The following NPL variants were observed in gnomAD, a reference collection of about 807,000 sequenced individuals.
NPL encodes N-acetylneuraminate pyruvate lyase.
A neutral mutation model predicts 41.1 loss-of-function variants in NPL; 32 were observed. The ratio of observed to expected loss-of-function variants is 0.78; its 90% CI spans 0.59 to 1.05. The LOEUF (loss-of-function observed/expected upper bound fraction) is 1.05. NPL is among the 50% of genes least tolerant of loss of function. The pLI is 0.00. For synonymous variants in NPL, 128 were observed against 134.9 expected, an observed-to-expected ratio of 0.95 and a Z score of 0.35; for missense variants, 321 against 378.4, an observed-to-expected ratio of 0.85 and a Z score of 1.26.
chr1:182,825,162 C>T (rs1477838722), intron 11 of NPL, among the ~76,000 whole-genome samples: 1 of 152,204 alleles, frequency 6.6e-6, no homozygotes, highest in Admixed American at 6.5e-5. Flanking sequence ...AGAAGAATCA[C>T]TGTCCCTCTC....
chr1:182,819,571 A>T (rs926029745), intron 10 of NPL, among the ~76,000 whole-genome samples: 14 of 152,102 alleles, frequency 9.2e-5, no homozygotes, highest in African/African-American at 3.4e-4. Context: ...AGATCAAGCC[A>T]CTGTACTCCA....
At position 182,815,619 on chromosome 1, in the gene NPL, TTA is replaced by T. The variant is rs1208342727; in HGVS notation, c.364+762_364+763del. On this transcript the variant is annotated intron_variant, in intron 7 of 12. Coordinates refer to ENST00000367553, the MANE Select transcript of NPL (RefSeq NM_030769.3). ...TTTTAAAAATTTTTTAAATTATTTT[TTA>T]GAGATGAGGTCTTGCTCTGTTGCCC... is the stretch of plus-strand genomic sequence containing the variant. 3.9e-5 allele frequency among the ~76,000 whole-genome samples: 6 copies of T among 152,298 alleles called. 1 individual carries two copies. In the East Asian group the frequency reaches 1.2e-3, roughly 29 times the overall value.
intron 8 of NPL, among the ~76,000 whole-genome samples, chr1:182,817,350 G>C (rs1284974206): frequency 1.3e-5 from 2 of 152,140 alleles, no homozygotes; most frequent in African/African-American, 4.8e-5. Flanking sequence ...TAAACATTCT[G>C]AGGAAAAAAA....
At chr1:182,790,666 G>A (rs139458185) in intron 1 of NPL, among the ~76,000 whole-genome samples, 4,083 of 148,730 alleles carry the variant, frequency 0.027, 191 homozygotes, top group African/African-American at 0.095. Context: ...TTTTTGAGAC[G>A]GAGTCTCGCT....
In NPL at chr1:182,828,764, C is replaced by G. The variant is rs1251843973; in HGVS notation, c.819C>G (p.Val273=). The G allele has an allele frequency of 3.1e-6, 5 of 1,614,160 alleles. No individual in the cohort carries two copies. In the South Asian group the frequency reaches 4.4e-5, roughly 14 times the overall value. The change falls in exon 13 of 13, where the codon GTC becomes GTG. Residue 273 remains valine, a synonymous_variant. Transcript: ENST00000367553. This position sits in a 1 kb window ranked among gnomAD's most constrained non-coding sequence, Gnocchi z 4.0. ...AGACCAAAGCCATCATGACTCTGGT[C>G]TCTGGGATTCCAATGGGCCCACCCC... ...VSQTKAIMTL[V]SGIPMGPPRL... is the part of the protein sequence containing the mutation.
At chr1:182,798,766 T>C (rs763239828) in intron 3 of NPL, among the ~76,000 whole-genome samples, 2 of 152,228 alleles carry the variant, frequency 1.3e-5, no homozygotes, top group Non-Finnish European at 2.9e-5. Context: ...GATTATTGTC[T>C]TTTTAACAGT....
chr1:182,812,853 A>C lies in NPL; in HGVS notation c.288+640A>C, dbSNP rs191182222. 3.1e-3 allele frequency among the ~76,000 whole-genome samples: 465 copies of C among 152,146 alleles called. 3 individuals are homozygous for C. Among genetic ancestry groups the C allele is most frequent in the African/African-American group, 0.01 (433 of 41,516 alleles). ...GGGTTAAAGTTCCTGGCAGAAAAGC[A>C]GGTGGTGTGGTGATTCTGAGGCCTG... On this transcript the variant is annotated intron_variant, in intron 6 of 12. Coordinates refer to ENST00000367553, the MANE Select transcript of NPL (RefSeq NM_030769.3).
intron 2 of NPL, among the ~76,000 whole-genome samples, chr1:182,793,539 G>C (rs544903908): frequency 6.6e-6 from 1 of 152,308 alleles, no homozygotes; most frequent in East Asian, 1.9e-4. Flanking sequence ...AGAGAGCAAA[G>C]GCAAATGAAA....
chr1:182,800,435 CAA>C (rs1053733197), intron 3 of NPL, among the ~76,000 whole-genome samples: 2,368 of 51,450 alleles, frequency 0.046, 37 homozygotes, highest in African/African-American at 0.1. Context: ...GACCCTGTCT[CAA>C]AAAAAAAAAA....
chr1:182,811,374 C>T (rs1400997069), intron 5 of NPL, among the ~76,000 whole-genome samples: 1 of 151,974 alleles, frequency 6.6e-6, no homozygotes, highest in African/African-American at 2.4e-5. Context: ...ACTACAGGCA[C>T]ACACCACCAC....
intron 11 of NPL, among the ~76,000 whole-genome samples, chr1:182,824,811 A>C (rs1286553306): frequency 1.3e-5 from 2 of 152,154 alleles, no homozygotes; most frequent in South Asian, 2.1e-4. Context: ...ACATAATAAT[A>C]AAATAAAAAT....
intron 10 of NPL, 65 bp downstream of exon 10, chr1:182,818,924 A>G: frequency 1.5e-6 from 2 of 1,343,592 alleles, no homozygotes; most frequent in East Asian, 4.6e-5. Flanking sequence ...TCACCAAAGT[A>G]GCTGTATTTC....
intron 4 of NPL, 72 bp from the exon 5 acceptor site, chr1:182,806,073 G>A: frequency 6.3e-7 from 1 of 1,583,322 alleles, no homozygotes; most frequent in Non-Finnish European, 8.7e-7. Context: ...TTCTGACCCT[G>A]CACTTTCAGA....
At chr1:182,827,581 T>C (rs1667662333) in intron 12 of NPL, among the ~76,000 whole-genome samples, 1 of 152,212 alleles carries the variant, frequency 6.6e-6, no homozygotes, top group South Asian at 2.1e-4. Flanking sequence ...ATTCTTTCTT[T>C]AGCTATGTTT....
At chr1:182,799,812 TAAGAC>T (rs1476415379) in intron 3 of NPL, among the ~76,000 whole-genome samples, 3 of 150,774 alleles carry the variant, frequency 2.0e-5, no homozygotes, top group Admixed American at 1.3e-4. Context: ...GAATTGAAAT[TAAGAC>T]ATTAAACTGG....
chr1:182,827,947 T>A (rs1362691479), intron 12 of NPL, among the ~76,000 whole-genome samples: 1 of 152,200 alleles, frequency 6.6e-6, no homozygotes, highest in Non-Finnish European at 1.5e-5. Context: ...TTCTAACCAG[T>A]CTTTCGGTTA....
At chr1:182,816,666 A>C in intron 7 of NPL, 48 bp from the exon 8 acceptor site, 1 of 1,316,594 alleles carries the variant, frequency 7.6e-7, no homozygotes, top group Non-Finnish European at 1.1e-6. Flanking sequence ...CAGGAAAGCC[A>C]CTGTTTTACA....
At chr1:182,797,177 A>G (rs1465506103) in intron 3 of NPL, among the ~76,000 whole-genome samples, 53 of 152,206 alleles carry the variant, frequency 3.5e-4, no homozygotes. Context: ...ATAAGAATGT[A>G]TAAAGTACCT....
chr1:182,801,877 G>T (rs1666857919), intron 3 of NPL, among the ~76,000 whole-genome samples: 1 of 152,124 alleles, frequency 6.6e-6, no homozygotes, highest in South Asian at 2.1e-4. Flanking sequence ...AGGACATAGG[G>T]TTTTGTCCTA....
Sources: gnomAD v4.1 joint callset for allele counts (sites outside exome capture counted in the v4.1 genomes callset) on GRCh38, gnomAD v4.1.1 for gene constraint, Gnocchi (gnomAD v3.1) non-coding constraint, MANE v1.5 for transcripts, NCBI Gene and HGNC (gene_info 2026-07-23, HGNC 2026-07-21) for gene names.